DISP1: variants seen among roughly 807,000 people sequenced by gnomAD.
The protein encoded by DISP1 is protein dispatched homolog 1.
DISP1 carries 30 observed loss-of-function variants against 37.3 expected under a neutral mutation model. That is an observed-to-expected ratio of 0.80 (90% CI 0.60 to 1.09). The LOEUF (loss-of-function observed/expected upper bound fraction) is 1.09. Among genes scored for constraint, DISP1 ranks in the 50% least tolerant of loss-of-function variants. DISP1 has a pLI of 0.00. For synonymous variants in DISP1, 634 were observed against 690.2 expected (o/e 0.92, Z 1.28); for missense variants, 1,598 against 1,879.5 (o/e 0.85, Z 2.77).
At chr1:222,981,839 T>C (rs919279898) in intron 3 of DISP1, among the ~76,000 whole-genome samples, 3 of 152,216 alleles carry the variant, frequency 2.0e-5, no homozygotes, top group African/African-American at 7.2e-5. Context: ...AGCTAGGCAA[T>C]TCAATTATTC....
intron 1 of DISP1, among the ~76,000 whole-genome samples, chr1:222,883,376 T>C (rs568100455): frequency 1.3e-5 from 2 of 152,166 alleles, no homozygotes; most frequent in Non-Finnish European, 2.9e-5. Flanking sequence ...TCCCAGCACT[T>C]TGGGAGGCCG....
At position 222,865,786 on chromosome 1, in the gene DISP1, C is replaced by T. The variant is rs75491648; in HGVS notation, c.-159+50708C>T. On this transcript the variant is annotated intron_variant, in intron 1 of 8. Coordinates refer to ENST00000675850, the MANE Select transcript of DISP1 (RefSeq NM_001377229.1). ...CAGTCTAGTACTACTGATTTTTATA[C>T]ACACACACACAGATACACACACACA... Among the ~76,000 whole-genome samples the T allele has an allele frequency of 2.4e-3, 358 of 151,926 alleles. 3 individuals are homozygous for T. The highest frequency in any genetic ancestry group is 7.9e-3 in the African/African-American group (328 of 41,478).
intron 1 of DISP1, among the ~76,000 whole-genome samples, chr1:222,835,586 GA>G (rs1666829935): frequency 6.6e-6 from 1 of 152,204 alleles, no homozygotes; most frequent in South Asian, 2.1e-4. Flanking sequence ...GAGTAGGAAA[GA>G]GATAAGCTGG....
intron 1 of DISP1, among the ~76,000 whole-genome samples, chr1:222,864,809 T>C (rs1324676048): frequency 1.3e-5 from 2 of 152,206 alleles, no homozygotes; most frequent in Non-Finnish European, 2.9e-5. Context: ...CTGCTTGTTA[T>C]TAAGCTGCTA....
At chr1:222,986,213 T>C (rs1246753026) in intron 4 of DISP1, among the ~76,000 whole-genome samples, 2 of 152,016 alleles carry the variant, frequency 1.3e-5, no homozygotes, top group Admixed American at 1.3e-4. Flanking sequence ...GCCTCTGGTG[T>C]GGGCACTGAA....
chr1:222,985,637 A>C (rs1333302141), intron 4 of DISP1, among the ~76,000 whole-genome samples: 1 of 152,112 alleles, frequency 6.6e-6, no homozygotes, highest in Non-Finnish European at 1.5e-5. Context: ...GTGACAGAGC[A>C]AGACTCCGTC....
chr1:223,003,396 T>C lies in DISP1; in HGVS notation c.1999T>C (p.Phe667Leu), dbSNP rs1324911688. 7 of 1,614,026 alleles carry C rather than the reference T, an allele frequency of 4.3e-6. No homozygotes were observed. The Admixed American group carries it at 1.2e-4, about 27-fold the overall frequency. Reference sequence around the variant, plus strand: ...GCATGAGCGGTATCTTCTTAATATATTCACTTGCTTCAAAAAGCCCCAGCA... The same window carrying C: ...GCATGAGCGGTATCTTCTTAATATACTCACTTGCTTCAAAAAGCCCCAGCA... ...VLHERYLLNI[F>L]TCFKKPQQQI... is the part of the protein sequence containing the mutation. Residue 667 changes from phenylalanine to leucine, a missense_variant, in exon 9 of 9, where the codon TTC (phenylalanine) becomes CTC (leucine). Physicochemically the swap from Phe to Leu is conservative, Grantham distance 22. Transcript: ENST00000675850. The surrounding 1 kb of genome is among the most constrained non-coding windows in gnomAD (Gnocchi z 4.3).
chr1:222,869,906 A>G (rs906820455), intron 1 of DISP1, among the ~76,000 whole-genome samples: 15 of 152,180 alleles, frequency 9.9e-5, no homozygotes, highest in Admixed American at 5.9e-4. Flanking sequence ...GTCATTTAGC[A>G]TTAGGTATAT....
chr1:222,994,798 T>C, intron 7 of DISP1, 87 bp from the exon 8 acceptor site: 1 of 983,568 alleles, frequency 1.0e-6, no homozygotes, highest in South Asian at 1.3e-5. Context: ...GGTTTCCCAG[T>C]TTGAATTATT....
chr1:222,947,983 G>A (rs1211188594), intron 3 of DISP1, among the ~76,000 whole-genome samples: 1 of 152,130 alleles, frequency 6.6e-6, no homozygotes, highest in Non-Finnish European at 1.5e-5. Context: ...TAGATTTGGT[G>A]GATGATTGGA....
chr1:222,962,485 A>G (rs1258273776), intron 3 of DISP1, among the ~76,000 whole-genome samples: 1 of 152,210 alleles, frequency 6.6e-6, no homozygotes, highest in Non-Finnish European at 1.5e-5. Flanking sequence ...AGTCCTAAGC[A>G]AAAAGAACAA....
At chr1:222,996,757 T>C (rs1019262279) in intron 8 of DISP1, among the ~76,000 whole-genome samples, 3 of 152,172 alleles carry the variant, frequency 2.0e-5, no homozygotes, top group Admixed American at 1.3e-4. Flanking sequence ...CCCAGCCAAG[T>C]TGAACTCCAG....
At chr1:222,875,641 A>T (rs1183532160) in intron 1 of DISP1, among the ~76,000 whole-genome samples, 1 of 129,890 alleles carries the variant, frequency 7.7e-6, no homozygotes, top group Non-Finnish European at 1.6e-5. Context: ...ACATGGTGAA[A>T]CCCTGTCTCT....
chr1:222,939,630 A>G (rs1371316294), intron 2 of DISP1, among the ~76,000 whole-genome samples: 1 of 151,368 alleles, frequency 6.6e-6, no homozygotes, highest in Non-Finnish European at 1.5e-5. Context: ...GGAGTTCGAG[A>G]CCAGCCTGGC....
At chr1:222,841,781 T>C (rs914071663) in intron 1 of DISP1, among the ~76,000 whole-genome samples, 9 of 152,188 alleles carry the variant, frequency 5.9e-5, no homozygotes, top group Non-Finnish European at 1.5e-5. Flanking sequence ...GGATAAAATA[T>C]TGATATTGGT....
chr1:222,961,723 C>G (rs1172518856), intron 3 of DISP1, among the ~76,000 whole-genome samples: 1 of 152,056 alleles, frequency 6.6e-6, no homozygotes, highest in Non-Finnish European at 1.5e-5. Flanking sequence ...AAAACCCCAT[C>G]ATCGCCAGGC....
At chr1:222,963,577 A>G (rs1333799749) in intron 3 of DISP1, among the ~76,000 whole-genome samples, 1 of 152,208 alleles carries the variant, frequency 6.6e-6, no homozygotes, top group Non-Finnish European at 1.5e-5. Flanking sequence ...ATGGAATACT[A>G]TGCAGCCATT....
intron 1 of DISP1, among the ~76,000 whole-genome samples, chr1:222,846,812 A>G (rs1316577335): frequency 3.9e-5 from 6 of 152,282 alleles, no homozygotes; most frequent in Admixed American, 1.3e-4. Flanking sequence ...GTCCTTGTCC[A>G]CATGTATACA....
chr1:222,943,471 G>A lies in DISP1; in HGVS notation c.509+139G>A, dbSNP rs1674534010. ...TGAAAACGCATATTCTGTGGATTGT[G>A]TGAAGCCAACAAAAACGCAAATAAA... On this transcript the variant is annotated intron_variant, in intron 3 of 8. Coordinates refer to ENST00000675850, the MANE Select transcript of DISP1 (RefSeq NM_001377229.1). The A allele has an allele frequency of 3.3e-6, 4 of 1,208,636 alleles. No individual in the cohort carries two copies. In the South Asian group the frequency reaches 4.1e-5, roughly 13 times the overall value. 74.9% of individuals were successfully genotyped at this position (1,208,636 alleles called of 1,614,324 possible). A position where few individuals can be genotyped will look rare whatever the true frequency, so the allele number is the denominator to read the frequency against.
Sources: gnomAD v4.1 joint callset for allele counts (sites outside exome capture counted in the v4.1 genomes callset) on GRCh38, gnomAD v4.1.1 for gene constraint, Gnocchi (gnomAD v3.1) non-coding constraint, MANE v1.5 for transcripts, NCBI Gene and HGNC (gene_info 2026-07-23, HGNC 2026-07-21) for gene names.